NRG3: variants seen among roughly 807,000 people sequenced by gnomAD.
NRG3 encodes the protein neuregulin 3, also known as pro-neuregulin-3, membrane-bound isoform.
Under a neutral mutation model 66.9 loss-of-function variants are expected in NRG3, and 31 were observed. The ratio of observed to expected loss-of-function variants is 0.46; its 90% CI spans 0.35 to 0.63. NRG3 has a LOEUF of 0.63. Ranked by LOEUF, NRG3 falls within the 20% of genes least tolerant of loss-of-function variation. The pLI, the probability that NRG3 is intolerant of heterozygous loss-of-function variation, is 0.00. For missense variants in NRG3, 910 were observed against 878.9 expected (o/e 1.04, Z -0.45); for synonymous variants, 393 against 359.4 (o/e 1.09, Z -1.06).
chr10:82,412,860 G>C (rs951322586), intron 2 of NRG3, among the ~76,000 whole-genome samples: 1 of 152,094 alleles, frequency 6.6e-6, no homozygotes, highest in Non-Finnish European at 1.5e-5. Context: ...CACTTTCTTA[G>C]CTCTTCCCTA....
At chr10:82,437,214 C>T (rs1380372608) in intron 2 of NRG3, among the ~76,000 whole-genome samples, 1 of 151,990 alleles carries the variant, frequency 6.6e-6, no homozygotes, top group East Asian at 1.9e-4. Context: ...TCCCATATTT[C>T]TTGGAGGCTT....
chr10:82,300,849 G>A (rs2080361161), intron 1 of NRG3, among the ~76,000 whole-genome samples: 1 of 152,078 alleles, frequency 6.6e-6, no homozygotes, highest in Non-Finnish European at 1.5e-5. Flanking sequence ...TCAGCCTGGT[G>A]CAGTGGTGTC....
intron 2 of NRG3, among the ~76,000 whole-genome samples, chr10:82,731,959 T>C (rs1031812376): frequency 6.6e-6 from 1 of 152,168 alleles, no homozygotes; most frequent in African/African-American, 2.4e-5. Context: ...TTAATAACAA[T>C]GTACTATATA....
rs1306585823 is a variant in NRG3 at position 82,617,060 on chromosome 10, GT to G, written c.954-121515del. 2.7e-4 allele frequency among the ~76,000 whole-genome samples: 41 copies of G among 152,128 alleles called. 1 individual carries two copies. Among genetic ancestry groups the G allele is most frequent in the African/African-American group, 8.7e-4 (36 of 41,406 alleles). The stretch of plus-strand genomic sequence containing the variant: ...GTCCTTGTTTTTTCTGAGTGCATTG[GT>G]TGAGGAGAATCCTTTGCCAATATAG... On this transcript the variant is annotated intron_variant, in intron 2 of 8. Coordinates refer to ENST00000372141, the MANE Select transcript of NRG3 (RefSeq NM_001010848.4).
intron 2 of NRG3, among the ~76,000 whole-genome samples, chr10:82,617,321 T>TAGACACACACACACAC (rs938388671): frequency 7.4e-6 from 1 of 134,676 alleles, no homozygotes; most frequent in Admixed American, 7.4e-5. Context: ...CACGCACACA[T>TAGACACACACACACAC]AGACACACAC....
chr10:82,748,371 T>A (rs2058728003), intron 3 of NRG3, among the ~76,000 whole-genome samples: 2 of 151,292 alleles, frequency 1.3e-5, no homozygotes, highest in African/African-American at 4.8e-5. Flanking sequence ...ACTAGGATAT[T>A]TGGAAAGTGA....
intron 1 of NRG3, among the ~76,000 whole-genome samples, chr10:82,039,001 C>G (rs907314215): frequency 1.3e-5 from 2 of 152,074 alleles, no homozygotes; most frequent in African/African-American, 2.4e-5. Flanking sequence ...TCTATGGAAA[C>G]AATGCACAGT....
intron 2 of NRG3, among the ~76,000 whole-genome samples, chr10:82,714,131 T>C (rs1203167255): frequency 2.6e-5 from 4 of 152,232 alleles, no homozygotes; most frequent in African/African-American, 9.6e-5. Context: ...ATGATATGTA[T>C]TACTATGTAC....
chr10:82,588,542 G>A (rs912510457), intron 2 of NRG3, among the ~76,000 whole-genome samples: 26 of 151,468 alleles, frequency 1.7e-4, no homozygotes, highest in Admixed American at 9.9e-4. Context: ...TCGCTCTGTC[G>A]CCCAGGCTGG....
chr10:82,166,394 G>A (rs2072064103), intron 1 of NRG3, among the ~76,000 whole-genome samples: 1 of 152,050 alleles, frequency 6.6e-6, no homozygotes, highest in African/African-American at 2.4e-5. Flanking sequence ...TTGTATTTTA[G>A]TAGCTGTTTT....
intron 4 of NRG3, among the ~76,000 whole-genome samples, chr10:82,885,661 C>A (rs1842660244): frequency 6.6e-6 from 1 of 152,254 alleles, no homozygotes; most frequent in East Asian, 1.9e-4. Flanking sequence ...ATCACTGTGG[C>A]TTTCAGGGTT....
intron 1 of NRG3, among the ~76,000 whole-genome samples, chr10:82,271,718 G>A (rs1421792593): frequency 6.6e-6 from 1 of 152,024 alleles, no homozygotes; most frequent in Non-Finnish European, 1.5e-5. Context: ...TGGTGCTGCT[G>A]TCATATTTAA....
chr10:82,407,099 C>A, intron 2 of NRG3, among the ~76,000 whole-genome samples: 1 of 14,482 alleles, frequency 6.9e-5, no homozygotes, highest in South Asian at 1.4e-3. Context: ...TATTTTTTTT[C>A]CAGTGTCTTT....
At chr10:82,975,689 C>T (rs1923580) in intron 7 of NRG3, among the ~76,000 whole-genome samples, 131,353 of 152,234 alleles carry the variant, frequency 0.86, 56,742 homozygotes, top group Middle Eastern at 0.95. Flanking sequence ...TTTTCATGAT[C>T]GATAACCCAG....
chr10:82,331,474 A>G (rs377553357), intron 1 of NRG3, among the ~76,000 whole-genome samples: 6 of 152,116 alleles, frequency 3.9e-5, no homozygotes, highest in African/African-American at 1.4e-4. Context: ...TTTCAGTTCA[A>G]TTTCAATGGG....
intron 2 of NRG3, among the ~76,000 whole-genome samples, chr10:82,524,179 ATC>A (rs1405327852): frequency 1.3e-5 from 2 of 152,050 alleles, no homozygotes; most frequent in African/African-American, 4.8e-5. Context: ...TCTCATTTGT[ATC>A]ATCTCCAATA....
At chr10:82,541,192 TGG>T (rs1206164196) in intron 2 of NRG3, among the ~76,000 whole-genome samples, 2 of 152,124 alleles carry the variant, frequency 1.3e-5, no homozygotes, top group African/African-American at 4.8e-5. Flanking sequence ...TAATACTTAT[TGG>T]TAGATATAAA....
rs192468458 is a variant in NRG3 at position 82,350,833 on chromosome 10, A to G, written c.824-7906A>G. ...ATCAATCTCGTGTAATGAAGACTCA[A>G]TGGAGTTTTAGCCACAATATGGAGA... On this transcript the variant is annotated intron_variant, in intron 1 of 8. Coordinates refer to ENST00000372141, the MANE Select transcript of NRG3 (RefSeq NM_001010848.4). 1.4e-3 allele frequency among the ~76,000 whole-genome samples: 216 copies of G among 152,018 alleles called. 1 individual carries two copies. Among genetic ancestry groups the G allele is most frequent in the African/African-American group, 4.7e-3 (193 of 41,454 alleles).
rs118129939 is a variant in NRG3, at chr10:82,236,222, C to T, written c.824-122517C>T. Among the ~76,000 whole-genome samples the T allele has an allele frequency of 3.7e-3, 571 of 152,268 alleles. 5 individuals carry two copies. The highest frequency in any genetic ancestry group is 0.017 in the Middle Eastern group (5 of 294). ...TTTAAATGTAGCTAATCACAGCCAC[C>T]TTCCAGTACTGTAGTAGGAAGTAAA... is the stretch of plus-strand genomic sequence containing the variant. On this transcript the variant is annotated intron_variant, in intron 1 of 8. Transcript: ENST00000372141.
Sources: gnomAD v4.1 joint callset for allele counts (sites outside exome capture counted in the v4.1 genomes callset) on GRCh38, gnomAD v4.1.1 for gene constraint, MANE v1.5 for transcripts, NCBI Gene and HGNC (gene_info 2026-07-23, HGNC 2026-07-21) for gene names.